GALNT2: variants seen among roughly 807,000 people sequenced by gnomAD.
The protein encoded by GALNT2 is polypeptide N-acetylgalactosaminyltransferase 2.
GALNT2 carries 31 observed loss-of-function variants against 81.4 expected under a neutral mutation model. The ratio of observed to expected loss-of-function variants is 0.38; its 90% CI spans 0.29 to 0.51. The LOEUF (loss-of-function observed/expected upper bound fraction) is 0.51. GALNT2 is among the 20% of genes least tolerant of loss of function. The pLI is 0.87. For synonymous variants in GALNT2, 303 were observed against 287.4 expected, an observed-to-expected ratio of 1.05 and a Z score of -0.55; for missense variants, 629 against 765.7, an observed-to-expected ratio of 0.82 and a Z score of 2.11.
At chr1:230,164,558 C>T (rs1482926786) in intron 1 of GALNT2, among the ~76,000 whole-genome samples, 2 of 149,560 alleles carry the variant, frequency 1.3e-5, no homozygotes, top group African/African-American at 4.9e-5. Context: ...TTTTTTTAGA[C>T]GGAGTCACTC....
chr1:230,279,314 G>A lies in GALNT2; in HGVS notation c.1572G>A (p.Gln524=). 1 of 1,614,082 alleles carries A rather than the reference G, an allele frequency of 6.2e-7. No homozygotes were observed. The highest frequency in any genetic ancestry group is 2.2e-5 in the East Asian group (1 of 44,882). Residue 524 remains glutamine, a synonymous_variant, in exon 16 of 16, where the codon CAG becomes CAA. Coordinates refer to ENST00000366672, the MANE Select transcript of GALNT2 (RefSeq NM_004481.5). The surrounding 1 kb of genome is among the most constrained non-coding windows in gnomAD (Gnocchi z 4.6). ...RENDSRQKWE[Q]IEGNSKLRHV... ...CCTGTGTCTTGCAGAAATGGGAACAGATCGAGGGCAACTCCAAGCTGAGGC... is the reference window on the plus strand; with the variant it reads ...CCTGTGTCTTGCAGAAATGGGAACAAATCGAGGGCAACTCCAAGCTGAGGC...
In GALNT2 at chr1:230,059,061, T is replaced by C. The variant is rs145631905; in HGVS notation, n.89+983T>C. ...TCCTTTTAAGCAGTCATAATTTTGT[T>C]TCTCCTTTTCTCCTGATTGGGTATT... On this transcript the variant is annotated intron_variant and non_coding_transcript_variant, in intron 1 of 6. Coordinates refer to the GALNT2 transcript ENST00000494106. Among the ~76,000 whole-genome samples, 1,100 of 152,366 alleles carry C rather than the reference T, an allele frequency of 7.2e-3. 11 individuals carry two copies. Among genetic ancestry groups the C allele is most frequent in the African/African-American group, 0.023 (956 of 41,578 alleles).
intron 1 of GALNT2, among the ~76,000 whole-genome samples, chr1:230,072,773 C>T (rs1659415819): frequency 6.6e-6 from 1 of 152,164 alleles, no homozygotes; most frequent in African/African-American, 2.4e-5. Context: ...CCTGGTCTTT[C>T]CTTGGGATCT....
At chr1:230,235,601 G>A (rs1665002926) in intron 3 of GALNT2, among the ~76,000 whole-genome samples, 1 of 152,218 alleles carries the variant, frequency 6.6e-6, no homozygotes, top group Non-Finnish European at 1.5e-5. Context: ...CATGCTTGTT[G>A]TAGGCAATGT....
chr1:230,090,999 A>T (rs10495293), intron 1 of GALNT2, among the ~76,000 whole-genome samples: 11,826 of 152,196 alleles, frequency 0.078, 627 homozygotes, highest in African/African-American at 0.13. Context: ...AATTGATGAG[A>T]ACTGTGCCTC....
chr1:230,188,760 AT>A (rs577106378), intron 2 of GALNT2, among the ~76,000 whole-genome samples: 108 of 150,198 alleles, frequency 7.2e-4, no homozygotes, highest in Middle Eastern at 6.9e-3. Context: ...GAACCACTGA[AT>A]TTTTTTTTTC....
chr1:230,163,939 T>C lies in GALNT2; in HGVS notation c.127-14279T>C, dbSNP rs553939617. 2.1e-4 allele frequency among the ~76,000 whole-genome samples: 32 copies of C among 152,290 alleles called. No individual in the cohort carries two copies. The South Asian group carries it at 6.2e-3, about 30-fold the overall frequency. On this transcript the variant is annotated intron_variant, in intron 1 of 15. Coordinates refer to ENST00000366672, the MANE Select transcript of GALNT2 (RefSeq NM_004481.5). ...CCCAGAACTGGCCGGGGGTGGTGGA[T>C]GGAGCCTGGACTCTGGGCCAGTCAC... is the stretch of plus-strand genomic sequence containing the variant.
intron 1 of GALNT2, among the ~76,000 whole-genome samples, chr1:230,072,312 T>C (rs1288843383): frequency 1.3e-5 from 2 of 150,812 alleles, no homozygotes; most frequent in Non-Finnish European, 2.9e-5. Flanking sequence ...CCTGCCTAAC[T>C]TCTAGCAAGT....
chr1:230,118,027 A>G (rs1014045590), intron 1 of GALNT2, among the ~76,000 whole-genome samples: 2 of 152,212 alleles, frequency 1.3e-5, no homozygotes, highest in Admixed American at 6.5e-5. Context: ...CCCAACCCCG[A>G]TAACCACTGA....
At chr1:230,227,039 T>G (rs1301815273) in intron 3 of GALNT2, among the ~76,000 whole-genome samples, 1 of 151,450 alleles carries the variant, frequency 6.6e-6, no homozygotes, top group Non-Finnish European at 1.5e-5. Context: ...AACATTAATA[T>G]TAGGTGTAAA....
chr1:230,113,767 A>G (rs1660767141), intron 1 of GALNT2, among the ~76,000 whole-genome samples: 2 of 152,140 alleles, frequency 1.3e-5, no homozygotes, highest in Admixed American at 1.3e-4. Context: ...ACCTGATCAG[A>G]TAAAAGAGGT....
In GALNT2 at chr1:230,093,475, G is replaced by A. The variant is rs1660153976; in HGVS notation, c.126+26069G>A. On this transcript the variant is annotated intron_variant, in intron 1 of 15. Transcript: ENST00000366672. ...GCTAGCTTTCTGCAGTCCTGACCTG[G>A]CCAAGGGTAAAACTAGATCGGCTGC... 1.3e-5 allele frequency among the ~76,000 whole-genome samples: 2 copies of A among 152,166 alleles called. 1 individual carries two copies. The highest frequency in any genetic ancestry group is 1.3e-4 in the Admixed American group (2 of 15,274).
At chr1:230,245,474 A>C (rs1477488775) in intron 7 of GALNT2, among the ~76,000 whole-genome samples, 1 of 149,678 alleles carries the variant, frequency 6.7e-6, no homozygotes, top group Non-Finnish European at 1.5e-5. Flanking sequence ...CAAAAAAAAA[A>C]CAAAACAAAA....
intron 8 of GALNT2, among the ~76,000 whole-genome samples, chr1:230,246,820 C>T (rs370188248): frequency 6.6e-6 from 1 of 152,008 alleles, no homozygotes; most frequent in East Asian, 1.9e-4. Context: ...GTCTGTTTAC[C>T]CTCTTAAAAA....
At chr1:230,191,763 T>C (rs1663533711) in intron 2 of GALNT2, among the ~76,000 whole-genome samples, 1 of 152,256 alleles carries the variant, frequency 6.6e-6, no homozygotes, top group Non-Finnish European at 1.5e-5. Context: ...TCCCTATTCC[T>C]TGGCCTCCCA....
chr1:230,162,701 TTGAC>T (rs1662472254), intron 1 of GALNT2, among the ~76,000 whole-genome samples: 1 of 152,188 alleles, frequency 6.6e-6, no homozygotes, highest in African/African-American at 2.4e-5. Flanking sequence ...ACTTAACTGT[TTGAC>T]TGTAGGTCAT....
intron 3 of GALNT2, among the ~76,000 whole-genome samples, chr1:230,207,617 A>C (rs1160635833): frequency 6.6e-6 from 1 of 151,958 alleles, no homozygotes; most frequent in Non-Finnish European, 1.5e-5. Context: ...TTCTTTCTGC[A>C]AGGTCTCACT....
At position 230,237,745 on chromosome 1, in the gene GALNT2, AG is replaced by A. The variant is rs1665076071; in HGVS notation, c.607+1025del. 2.0e-5 allele frequency among the ~76,000 whole-genome samples: 3 copies of A among 152,196 alleles called. No homozygotes were observed. The South Asian group carries it at 6.2e-4, about 32-fold the overall frequency. On this transcript the variant is annotated intron_variant, in intron 6 of 15. Coordinates refer to ENST00000366672, the MANE Select transcript of GALNT2 (RefSeq NM_004481.5). ...CCACCAAGCCTGGAATAAACCAAAA[AG>A]GGGGCAATTTGCTGCCCCCTAAACA...
chr1:230,168,448 C>A (rs1445349422), intron 1 of GALNT2, among the ~76,000 whole-genome samples: 1 of 152,204 alleles, frequency 6.6e-6, no homozygotes, highest in East Asian at 1.9e-4. Flanking sequence ...CCTTGCCCCT[C>A]CTGTCCCCGG....
Sources: allele counts gnomAD v4.1 joint callset (sites outside exome capture counted in the v4.1 genomes callset), GRCh38; gene constraint gnomAD v4.1.1; non-coding constraint Gnocchi (gnomAD v3.1); transcripts MANE v1.5; gene names NCBI Gene and HGNC (gene_info 2026-07-23, HGNC 2026-07-21).